TACC1: variants seen among roughly 807,000 people sequenced by gnomAD.
TACC1 encodes transforming acidic coiled-coil-containing protein 1.
TACC1 carries 48 observed loss-of-function variants against 84.4 expected under a neutral mutation model. The observed-to-expected ratio is 0.57, with a 90% confidence interval of 0.45 to 0.72. The LOEUF is 0.72. Among genes scored for constraint, TACC1 ranks in the 30% least tolerant of loss-of-function variants. The probability of loss-of-function intolerance (pLI) is 0.00; values close to 1 mark genes in which losing one functional copy is unlikely to be tolerated. For missense variants in TACC1, 920 were observed against 973.0 expected (o/e 0.95, Z 0.72); for synonymous variants, 372 against 376.3 (o/e 0.99, Z 0.13).
intron 3 of TACC1, among the ~76,000 whole-genome samples, chr8:38,768,301 G>A (rs1220434929): frequency 2.0e-5 from 3 of 152,256 alleles, no homozygotes; most frequent in South Asian, 4.1e-4. Flanking sequence ...TTCTGCAGTC[G>A]TTCAGTGCTT....
At chr8:38,832,268 A>G (rs1481591697) in intron 6 of TACC1, among the ~76,000 whole-genome samples, 1 of 152,272 alleles carries the variant, frequency 6.6e-6, no homozygotes, top group African/African-American at 2.4e-5. Context: ...AGTGTGCTAG[A>G]ATACACTGTT....
intron 1 of TACC1, among the ~76,000 whole-genome samples, chr8:38,730,892 T>G (rs1367474932): frequency 6.6e-6 from 1 of 152,092 alleles, no homozygotes; most frequent in Non-Finnish European, 1.5e-5. Flanking sequence ...AAACATCACT[T>G]TTTCTCTGAG....
chr8:38,732,868 C>T (rs1805232605), intron 1 of TACC1, among the ~76,000 whole-genome samples: 1 of 152,194 alleles, frequency 6.6e-6, no homozygotes, highest in Non-Finnish European at 1.5e-5. Context: ...CTAATAATTC[C>T]TGGCTTAAGC....
At chr8:38,780,176 T>C (rs920463545) in intron 3 of TACC1, among the ~76,000 whole-genome samples, 1 of 152,230 alleles carries the variant, frequency 6.6e-6, no homozygotes, top group Non-Finnish European at 1.5e-5. Context: ...TTCTGTTGCT[T>C]GTAGACTGTT....
intron 2 of TACC1, among the ~76,000 whole-genome samples, chr8:38,807,837 A>G (rs1823123187): frequency 6.6e-6 from 1 of 152,232 alleles, no homozygotes; most frequent in Non-Finnish European, 1.5e-5. Context: ...AAAATTTTGC[A>G]TTCCATACCT....
chr8:38,748,758 A>T (rs1808499362), intron 3 of TACC1, among the ~76,000 whole-genome samples: 4 of 152,166 alleles, frequency 2.6e-5, no homozygotes, highest in African/African-American at 9.7e-5. Context: ...GATAATATAA[A>T]TACACATTTC....
At chr8:38,796,303 A>G (rs1819962509) in intron 2 of TACC1, among the ~76,000 whole-genome samples, 1 of 152,222 alleles carries the variant, frequency 6.6e-6, no homozygotes, top group South Asian at 2.1e-4. Flanking sequence ...TTTGGAACAT[A>G]TTATACAGCT....
At chr8:38,840,154 G>T in intron 8 of TACC1, 70 bp from the exon 9 acceptor site, 1 of 1,190,384 alleles carries the variant, frequency 8.4e-7, no homozygotes, top group East Asian at 2.4e-5. Context: ...AATTGTTTGG[G>T]ACAGCATTTC....
intron 3 of TACC1, among the ~76,000 whole-genome samples, chr8:38,770,166 G>A (rs1813291856): frequency 6.6e-6 from 1 of 152,020 alleles, no homozygotes; most frequent in African/African-American, 2.4e-5. Flanking sequence ...TTTGGCCACA[G>A]ATGTCAGGAG....
intron 2 of TACC1, among the ~76,000 whole-genome samples, chr8:38,807,059 C>A (rs529836920): frequency 2.0e-5 from 3 of 152,306 alleles, no homozygotes; most frequent in Admixed American, 6.5e-5. Context: ...TCAGAAATAG[C>A]CACATGGAAG....
chr8:38,799,697 T>C (rs2152066774), intron 2 of TACC1: 1 of 152,346 alleles, frequency 6.6e-6, no homozygotes, highest in Non-Finnish European at 1.5e-5. Flanking sequence ...TGGCTACATC[T>C]GTTGTGGAAA....
At chr8:38,766,795 G>A (rs775513628) in intron 3 of TACC1, among the ~76,000 whole-genome samples, 13 of 152,164 alleles carry the variant, frequency 8.5e-5, no homozygotes, top group South Asian at 2.1e-4. Flanking sequence ...TAAGGCCACA[G>A]AGCTAGGTTT....
chr8:38,817,523 G>T (rs1825697505), intron 2 of TACC1, among the ~76,000 whole-genome samples: 1 of 151,980 alleles, frequency 6.6e-6, no homozygotes, highest in Non-Finnish European at 1.5e-5. Context: ...ACCTATTCCT[G>T]GACAACAGTT....
intron 9 of TACC1, 85 bp downstream of exon 9, chr8:38,840,352 C>G: frequency 8.1e-7 from 1 of 1,242,002 alleles, no homozygotes. Flanking sequence ...AATATGTAAG[C>G]TAGGTAGCTT....
intron 8 of TACC1, among the ~76,000 whole-genome samples, chr8:38,838,964 A>G (rs1437209030): frequency 6.6e-6 from 1 of 151,780 alleles, no homozygotes; most frequent in Non-Finnish European, 1.5e-5. Context: ...TGGTGTGATC[A>G]TGGCTCACTG....
chr8:38,794,803 A>G (rs1354665131), intron 2 of TACC1, among the ~76,000 whole-genome samples: 1 of 152,198 alleles, frequency 6.6e-6, no homozygotes, highest in Non-Finnish European at 1.5e-5. Flanking sequence ...AGTTTCCTAG[A>G]AATAATGGGA....
At chr8:38,773,045 A>G (rs933067126) in intron 3 of TACC1, among the ~76,000 whole-genome samples, 1 of 152,170 alleles carries the variant, frequency 6.6e-6, no homozygotes, top group Admixed American at 6.5e-5. Context: ...AATAAACACT[A>G]GGCCCGGCGC....
chr8:38,839,665 G>A (rs111838579), intron 8 of TACC1: 8,276 of 218,458 alleles, frequency 0.038, 206 homozygotes, highest in Middle Eastern at 0.06. Context: ...ACCCAGCACC[G>A]GACTGGGTCA....
At chr8:38,792,019 G>C (rs1203212768) in intron 2 of TACC1, among the ~76,000 whole-genome samples, 1 of 152,242 alleles carries the variant, frequency 6.6e-6, no homozygotes, top group Non-Finnish European at 1.5e-5. Context: ...CAGGAGTTAA[G>C]TGGCGGATAA....
Sources: gnomAD v4.1 joint callset for allele counts (sites outside exome capture counted in the v4.1 genomes callset) on GRCh38, gnomAD v4.1.1 for gene constraint, MANE v1.5 for transcripts, NCBI Gene and HGNC (gene_info 2026-07-23, HGNC 2026-07-21) for gene names.